TMEM109: variants seen among roughly 807,000 people sequenced by gnomAD.
The protein encoded by TMEM109 is voltage-gated monoatomic cation channel TMEM109.
TMEM109 carries 19 observed loss-of-function variants against 26.4 expected under a neutral mutation model. That is an observed-to-expected ratio of 0.72 (90% confidence interval 0.50 to 1.06). The LOEUF (loss-of-function observed/expected upper bound fraction) is 1.06. Ranked by LOEUF, TMEM109 falls within the 50% of genes least tolerant of loss-of-function variation. The pLI is 0.00. For missense variants in TMEM109, 262 were observed against 303.4 expected, an observed-to-expected ratio of 0.86 and a Z score of 1.01; for synonymous variants, 129 against 142.0, an observed-to-expected ratio of 0.91 and a Z score of 0.65.
chr11:60,919,093 A>G (rs145075601), intron 1 of TMEM109: 2 of 154,094 alleles, frequency 1.3e-5, no homozygotes, highest in Admixed American at 6.3e-5. Flanking sequence ...TCTGAGTCAC[A>G]GTTTCTTCTC....
At position 60,921,388 on chromosome 11, in the gene TMEM109, C is replaced by G. The variant is rs78515645; in HGVS notation, c.341-386C>G. Among the ~76,000 whole-genome samples, 21 of 152,252 alleles carry G rather than the reference C, an allele frequency of 1.4e-4. 1 individual carries two copies. The East Asian group carries it at 3.1e-3, about 22-fold the overall frequency. On this transcript the variant is annotated intron_variant, in intron 3 of 3. Transcript: ENST00000227525. ...TGAGCCGGGATCACGTCACTGCACT[C>G]CAGCCTCGGCGATGGAGCAAAACCC... is the stretch of plus-strand genomic sequence containing the variant.
rs772400558 is a variant in TMEM109 at position 60,919,861 on chromosome 11, G to A, written c.168G>A (p.Gln56=). Residue 56 remains glutamine (Q), a synonymous_variant, in exon 2 of 4, where the codon CAG becomes CAA. Transcript: ENST00000227525. ...AAGCCCCAGTTGATGTCTTGACCCA[G>A]ATAGGTCGATCTGTGCGAGGGACAC... ...KREAPVDVLT[Q]IGRSVRGTLD... The A allele has an allele frequency of 1.1e-5, 17 of 1,614,086 alleles. No homozygotes were observed. Among genetic ancestry groups the A allele is most frequent in the Admixed American group, 8.3e-5 (5 of 60,012 alleles).
At chr11:60,918,263 T>G (rs1856194877) in intron 1 of TMEM109, among the ~76,000 whole-genome samples, 1 of 152,218 alleles carries the variant, frequency 6.6e-6, no homozygotes, top group Admixed American at 6.5e-5. Flanking sequence ...CCTCGTCCAT[T>G]TTCTGCTTCC....
In TMEM109 at chr11:60,921,811, C is replaced by T. The variant is rs779606958; in HGVS notation, c.378C>T (p.Gly126=). Residue 126 remains glycine, a synonymous_variant, in exon 4 of 4, where the codon GGC becomes GGT. Transcript: ENST00000227525. ...CCCAGGGCCTGAAGCTCAGCCCTGG[C>T]CAGGTCCAGACCTTCCTGCTGTGGG... ...YLAQGLKLSP[G]QVQTFLLWGA... 3 of 1,613,608 alleles carry T rather than the reference C, an allele frequency of 1.9e-6. No individual in the cohort carries two copies. Among genetic ancestry groups the T allele is most frequent in the Non-Finnish European group, 1.7e-6 (2 of 1,180,008 alleles).
intron 1 of TMEM109, among the ~76,000 whole-genome samples, chr11:60,916,927 T>C (rs557643528): frequency 2.1e-4 from 32 of 152,342 alleles, no homozygotes; most frequent in African/African-American, 6.3e-4. Flanking sequence ...AACCCTGCTC[T>C]TTTAAGTCCC....
chr11:60,919,398 AACCTT>A (rs921981846), intron 1 of TMEM109, among the ~76,000 whole-genome samples: 3 of 152,250 alleles, frequency 2.0e-5, no homozygotes, highest in African/African-American at 7.2e-5. Context: ...AACTGGCACA[AACCTT>A]AGAGAGATCT....
chr11:60,915,315 C>T (rs1856161796), intron 1 of TMEM109, among the ~76,000 whole-genome samples: 1 of 152,258 alleles, frequency 6.6e-6, no homozygotes, highest in Non-Finnish European at 1.5e-5. Flanking sequence ...GACTGCAACT[C>T]AGGCAGGTTA....
Position 60,922,223 on chromosome 11 carries a change from A to G in TMEM109, c.*58A>G, listed in dbSNP as rs1468058564. The G allele has an allele frequency of 3.2e-6, 5 of 1,550,736 alleles. No homozygotes were observed. The African/African-American group carries it at 5.5e-5, about 17-fold the overall frequency. On this transcript the variant is annotated 3_prime_UTR_variant, in exon 4 of 4. Transcript: ENST00000227525. ...CAAAGAGCTGAGCTGCTTCGGGGCC[A>G]TGCAGCCCTCCTGCCAGCCCCCTGC...
At chr11:60,921,149 C>T (rs1856232686) in intron 3 of TMEM109, among the ~76,000 whole-genome samples, 161 bp downstream of exon 3, 1 of 152,182 alleles carries the variant, frequency 6.6e-6, no homozygotes, top group Non-Finnish European at 1.5e-5. Context: ...ACTACCATGG[C>T]CAGGTGTGGT....
intron 2 of TMEM109, 62 bp downstream of exon 2, chr11:60,919,992 G>T: frequency 7.1e-7 from 1 of 1,408,444 alleles, no homozygotes; most frequent in Non-Finnish European, 1.0e-6. Flanking sequence ...AGAAAGGTTG[G>T]TAATGGCCAC....
chr11:60,914,434 T>C (rs1590614091), intron 1 of TMEM109, among the ~76,000 whole-genome samples, 166 bp downstream of exon 1: 1 of 152,294 alleles, frequency 6.6e-6, no homozygotes, highest in East Asian at 1.9e-4. Flanking sequence ...CCCGTTGCTA[T>C]GCAACCGGGG....
rs180856414 is a variant in TMEM109 at position 60,920,743 on chromosome 11, C to A, written c.238-143C>A. On this transcript the variant is annotated intron_variant, in intron 2 of 3. Coordinates refer to ENST00000227525, the MANE Select transcript of TMEM109 (RefSeq NM_024092.3). ...CCCTCAGCCAGGCCCAAGGCCCCTA[C>A]CCTCTGACCCAGGCCTGTCACCACT... The A allele has an allele frequency of 2.9e-3, 2,167 of 748,342 alleles. 8 individuals carry two copies. The highest frequency in any genetic ancestry group is 0.013 in the Middle Eastern group (43 of 3,198). The allele number at this position is 748,342 out of a possible 1,614,324, so 46.4% of individuals were successfully genotyped here.
rs748827446 is a variant in TMEM109 at position 60,919,881 on chromosome 11, G to T, written c.188G>T (p.Gly63Val). 9 of 1,614,162 alleles carry T rather than the reference G, an allele frequency of 5.6e-6. No homozygotes were observed. The highest frequency in any genetic ancestry group is 1.6e-4 in the Middle Eastern group (1 of 6,062). ...VLTQIGRSVR[G>V]TLDAWIGPET... ...ACCCAGATAGGTCGATCTGTGCGAG[G>T]GACACTGGATGCCTGGATTGGGCCA... The change falls in exon 2 of 4, where the codon GGG becomes GTG. Residue 63 changes from glycine (G) to valine (V), a missense_variant. Physicochemically the swap from Gly to Val is moderately radical, Grantham distance 109 (BLOSUM62 -3). Transcript: ENST00000227525.
intron 2 of TMEM109, among the ~76,000 whole-genome samples, chr11:60,920,424 TA>T (rs1412264974): frequency 6.6e-6 from 1 of 152,174 alleles, no homozygotes; most frequent in South Asian, 2.1e-4. Context: ...ATTAAATCCA[TA>T]ATATAGTATA....
intron 1 of TMEM109, among the ~76,000 whole-genome samples, chr11:60,915,258 C>T (rs553081784): frequency 6.6e-6 from 1 of 152,352 alleles, no homozygotes; most frequent in African/African-American, 2.4e-5. Flanking sequence ...ATCTTAACTC[C>T]TTACAGCAAC....
At chr11:60,919,625 G>A in intron 1 of TMEM109, 61 bp from the exon 2 acceptor site, 1 of 1,366,788 alleles carries the variant, frequency 7.3e-7, no homozygotes, top group South Asian at 1.2e-5. Flanking sequence ...GGGATAATCA[G>A]AGCTGAGAGG....
chr11:60,914,294 T>C (rs2285734), intron 1 of TMEM109, 26 bp downstream of exon 1: 56,927 of 152,124 alleles, frequency 0.37, 10,797 homozygotes, highest in Admixed American at 0.42. Flanking sequence ...GGTCGGAATG[T>C]GGGGCAGCGC....
chr11:60,919,730 C>T lies in TMEM109; in HGVS notation c.37C>T (p.His13Tyr), dbSNP rs753107447. ...CAGCATCAGTTCACCATGGGGAAAG[C>T]ATGTGTTCAAAGCCATTCTGATGGT... Reference protein sequence around the residue: ...ASSISSPWGKHVFKAILMVLV... With the variant: ...ASSISSPWGKYVFKAILMVLV... Residue 13 changes from histidine to tyrosine, a missense_variant, in exon 2 of 4, where the codon CAT becomes TAT. By Grantham distance (83) the His-to-Tyr change is moderately conservative. Coordinates refer to ENST00000227525, the MANE Select transcript of TMEM109 (RefSeq NM_024092.3). 1.2e-5 allele frequency: 20 copies of T among 1,614,078 alleles called. No homozygotes were observed. The highest frequency in any genetic ancestry group is 1.5e-5 in the Non-Finnish European group (18 of 1,180,036).
Position 60,922,111 on chromosome 11 carries a change from G to A in TMEM109, c.678G>A (p.Leu226=). 1.2e-6 allele frequency: 2 copies of A among 1,612,404 alleles called. No homozygotes were observed. The highest frequency in any genetic ancestry group is 1.7e-6 in the Non-Finnish European group (2 of 1,179,550). ...VRGLERQVEE[L]RWRQRRAAKG... ...GGCTGGAACGCCAGGTGGAGGAGCT[G>A]CGCTGGCGCCAGAGGCGAGCGGCCA... The change falls in exon 4 of 4, where the codon CTG becomes CTA. Residue 226 remains leucine (L), a synonymous_variant. Transcript: ENST00000227525.
Sources: gnomAD v4.1 joint callset for allele counts (sites outside exome capture counted in the v4.1 genomes callset) on GRCh38, gnomAD v4.1.1 for gene constraint, MANE v1.5 for transcripts, NCBI Gene and HGNC (gene_info 2026-07-23, HGNC 2026-07-21) for gene names.